Variants in MAST4 observed in about 807,000 individuals in gnomAD.
MAST4 encodes the protein microtubule associated serine/threonine kinase family member 4.
In MAST4, 89 loss-of-function variants were observed where a neutral mutation model predicts 162.7. That is an observed-to-expected ratio of 0.55 (90% CI 0.46 to 0.65). The LOEUF is 0.65. MAST4 is among the 30% of genes least tolerant of loss of function. The probability of loss-of-function intolerance (pLI) is 0.00; values close to 1 mark genes in which losing one functional copy is unlikely to be tolerated. For missense variants in MAST4, 3,153 were observed against 3,374.0 expected, an observed-to-expected ratio of 0.93 and a Z score of 1.62; for synonymous variants, 1,479 against 1,361.1, an observed-to-expected ratio of 1.09 and a Z score of -1.91.
At chr5:66,986,722 T>C (rs888040098) in intron 4 of MAST4, among the ~76,000 whole-genome samples, 2 of 151,644 alleles carry the variant, frequency 1.3e-5, no homozygotes, top group African/African-American at 4.8e-5. Context: ...CTGGGTTCAG[T>C]TGATCCTCCC....
intron 4 of MAST4, among the ~76,000 whole-genome samples, chr5:66,947,170 C>T (rs1165099112): frequency 6.6e-6 from 1 of 151,914 alleles, no homozygotes; most frequent in African/African-American, 2.4e-5. Context: ...ATTCTTTTCA[C>T]CTCTGGATTC....
intron 5 of MAST4, among the ~76,000 whole-genome samples, chr5:67,084,117 T>C (rs575937437): frequency 6.6e-6 from 1 of 152,316 alleles, no homozygotes; most frequent in South Asian, 2.1e-4. Context: ...ACAATAGGTA[T>C]CTGTGCAAGT....
At chr5:66,678,161 A>G (rs1167483168) in intron 1 of MAST4, among the ~76,000 whole-genome samples, 1 of 152,150 alleles carries the variant, frequency 6.6e-6, no homozygotes, top group East Asian at 1.9e-4. Context: ...AGGCACAGAA[A>G]GACACATACT....
intron 1 of MAST4, among the ~76,000 whole-genome samples, chr5:66,643,214 A>G (rs554557651): frequency 3.9e-5 from 6 of 152,308 alleles, no homozygotes; most frequent in African/African-American, 1.4e-4. Context: ...TGCCTCCCAT[A>G]AAATGTCGGG....
At chr5:66,698,433 T>G (rs2149507007) in intron 1 of MAST4, among the ~76,000 whole-genome samples, 1 of 149,026 alleles carries the variant, frequency 6.7e-6, no homozygotes, top group South Asian at 2.2e-4. Context: ...CTGGCTGTCC[T>G]ACCCCCTTGC....
intron 1 of MAST4, among the ~76,000 whole-genome samples, chr5:66,670,377 T>C (rs1475655463): frequency 1.3e-5 from 2 of 152,268 alleles, no homozygotes; most frequent in East Asian, 3.9e-4. Context: ...ATCATACTAA[T>C]TTGCAATAAT....
chr5:66,742,599 T>G (rs1752535236), intron 1 of MAST4, among the ~76,000 whole-genome samples: 3 of 152,114 alleles, frequency 2.0e-5, no homozygotes, highest in African/African-American at 7.2e-5. Context: ...CTTGACAAAT[T>G]ATTTTCTGTT....
chr5:67,028,544 G>T (rs370239558), intron 4 of MAST4, among the ~76,000 whole-genome samples: 1 of 152,106 alleles, frequency 6.6e-6, no homozygotes, highest in Non-Finnish European at 1.5e-5. Flanking sequence ...GCTGGTGACC[G>T]TGAGAATGAA....
At chr5:67,027,301 A>G (rs921623376) in intron 4 of MAST4, among the ~76,000 whole-genome samples, 5 of 152,210 alleles carry the variant, frequency 3.3e-5, no homozygotes, top group African/African-American at 1.2e-4. Flanking sequence ...GAGTTCATAC[A>G]GATGTTTTTT....
intron 3 of MAST4, among the ~76,000 whole-genome samples, chr5:66,810,959 C>A (rs763104788): frequency 2.6e-5 from 4 of 152,176 alleles, no homozygotes; most frequent in African/African-American, 9.7e-5. Flanking sequence ...GCAGAATGAC[C>A]ACATCCTTTC....
chr5:66,668,877 G>A (rs779472503), intron 1 of MAST4, among the ~76,000 whole-genome samples: 4 of 152,156 alleles, frequency 2.6e-5, no homozygotes, highest in Non-Finnish European at 4.4e-5. Context: ...CCTGGTTGCT[G>A]AGAGACTAGC....
chr5:66,622,420 CTTTT>C (rs35612725), intron 1 of MAST4, among the ~76,000 whole-genome samples: 1 of 141,788 alleles, frequency 7.1e-6, no homozygotes, highest in Non-Finnish European at 1.5e-5. Flanking sequence ...CCTTGTAAGG[CTTTT>C]TTTTTTTTTT....
At chr5:66,958,257 C>G (rs1412839449) in intron 4 of MAST4, among the ~76,000 whole-genome samples, 3 of 152,114 alleles carry the variant, frequency 2.0e-5, no homozygotes, top group African/African-American at 7.2e-5. Context: ...TTCTTTTCAA[C>G]AAACCAGGGG....
At chr5:67,162,206 A>G (rs187132343) in intron 27 of MAST4, among the ~76,000 whole-genome samples, 65 of 152,294 alleles carry the variant, frequency 4.3e-4, no homozygotes, top group Admixed American at 2.1e-3. Flanking sequence ...TTCCAATACA[A>G]TGGTTTTGCT....
At chr5:66,653,636 C>A (rs1746367502) in intron 1 of MAST4, among the ~76,000 whole-genome samples, 1 of 152,164 alleles carries the variant, frequency 6.6e-6, no homozygotes, top group Non-Finnish European at 1.5e-5. Context: ...CAGGGTGATT[C>A]ACATCTCCTC....
intron 4 of MAST4, among the ~76,000 whole-genome samples, chr5:67,019,690 A>G (rs945341412): frequency 1.3e-5 from 2 of 152,200 alleles, no homozygotes; most frequent in African/African-American, 4.8e-5. Context: ...TTAGGGAAGT[A>G]GCTTTAATAA....
intron 3 of MAST4, among the ~76,000 whole-genome samples, chr5:66,813,403 A>G (rs1309571814): frequency 1.3e-5 from 2 of 152,216 alleles, no homozygotes; most frequent in African/African-American, 2.4e-5. Context: ...CTTCAAGGAA[A>G]CTAAGACAAA....
intron 4 of MAST4, among the ~76,000 whole-genome samples, chr5:66,906,711 G>A (rs1189340911): frequency 1.3e-5 from 2 of 152,196 alleles, no homozygotes; most frequent in Non-Finnish European, 2.9e-5. Context: ...TGCTTCTGGT[G>A]AAGTGGCAAG....
At chr5:66,746,308 A>T (rs185934565) in intron 1 of MAST4, among the ~76,000 whole-genome samples, 93 of 152,222 alleles carry the variant, frequency 6.1e-4, no homozygotes, top group African/African-American at 2.0e-3. Flanking sequence ...ATGTAAGAGG[A>T]GGTTAAGGTT....
Sources: allele counts gnomAD v4.1 joint callset (sites outside exome capture counted in the v4.1 genomes callset), GRCh38; gene constraint gnomAD v4.1.1; transcripts MANE v1.5; gene names NCBI Gene and HGNC (gene_info 2026-07-23, HGNC 2026-07-21).